The following CPNE4 variants were observed in gnomAD, a reference collection of about 807,000 sequenced individuals.
CPNE4 encodes the protein copine-4.
A neutral mutation model predicts 67.9 loss-of-function variants in CPNE4; 25 were observed. The ratio of observed to expected loss-of-function variants is 0.37; its 90% CI spans 0.27 to 0.51. The LOEUF (loss-of-function observed/expected upper bound fraction) is 0.51, where lower values mean the gene tolerates loss of function less well. CPNE4 is among the 20% of genes least tolerant of loss of function. CPNE4 has a pLI of 0.93. For missense variants in CPNE4, 464 were observed against 690.8 expected, an observed-to-expected ratio of 0.67 and a Z score of 3.68; for synonymous variants, 242 against 244.9, an observed-to-expected ratio of 0.99 and a Z score of 0.11.
intron 2 of CPNE4, among the ~76,000 whole-genome samples, chr3:131,738,840 GTCTTTT>G (rs890793083): frequency 9.0e-5 from 13 of 144,278 alleles, no homozygotes; most frequent in South Asian, 4.4e-4. Flanking sequence ...TATTCATCAT[GTCTTTT>G]TCTTTTTCTT....
At chr3:131,595,883 C>T (rs1938813550) in intron 7 of CPNE4, among the ~76,000 whole-genome samples, 1 of 152,080 alleles carries the variant, frequency 6.6e-6, no homozygotes. Context: ...CTAAACCAGT[C>T]ATAGAAGGAC....
intron 2 of CPNE4, among the ~76,000 whole-genome samples, chr3:131,734,131 T>C (rs1022322753): frequency 2.6e-5 from 4 of 152,200 alleles, no homozygotes; most frequent in African/African-American, 9.6e-5. Flanking sequence ...ATTGACCAAA[T>C]TGTGAATTAG....
chr3:131,719,189 G>C (rs1034622217), intron 3 of CPNE4, among the ~76,000 whole-genome samples: 1 of 152,194 alleles, frequency 6.6e-6, no homozygotes, highest in African/African-American at 2.4e-5. Flanking sequence ...TGATCTTGAA[G>C]GAGTTCTCAG....
At chr3:131,931,212 A>AATTACC (rs2071050045) in intron 1 of CPNE4, among the ~76,000 whole-genome samples, 1 of 152,144 alleles carries the variant, frequency 6.6e-6, no homozygotes, top group Non-Finnish European at 1.5e-5. Flanking sequence ...CTTGAAACTC[A>AATTACC]ACTACCACTA....
intron 2 of CPNE4, among the ~76,000 whole-genome samples, chr3:131,803,864 A>G (rs528780208): frequency 1.3e-5 from 2 of 152,354 alleles, no homozygotes; most frequent in South Asian, 4.1e-4. Context: ...GGAAGAGTGG[A>G]AAACCGTAAA....
At chr3:131,978,468 TTATATATTTATATATATTTA>T (rs1466181166) in intron 1 of CPNE4, among the ~76,000 whole-genome samples, 1 of 20,428 alleles carries the variant, frequency 4.9e-5, no homozygotes, top group Non-Finnish European at 7.3e-5. Flanking sequence ...TTATATATAT[TTATATATTTATATATATTTA>T]TATATATTTA....
intron 2 of CPNE4, among the ~76,000 whole-genome samples, chr3:131,853,368 C>T (rs1375760217): frequency 1.3e-5 from 2 of 151,662 alleles, no homozygotes; most frequent in African/African-American, 4.8e-5. Flanking sequence ...CAACTCGATA[C>T]TTGTGTGTGT....
intron 7 of CPNE4, among the ~76,000 whole-genome samples, chr3:131,614,655 C>T (rs1191887026): frequency 6.6e-6 from 1 of 151,570 alleles, no homozygotes; most frequent in Non-Finnish European, 1.5e-5. Flanking sequence ...ATGTAGGAAA[C>T]TGAAGGAGAT....
At chr3:132,020,770 T>C (rs2073978414) in intron 1 of CPNE4, among the ~76,000 whole-genome samples, 2 of 152,208 alleles carry the variant, frequency 1.3e-5, no homozygotes, top group Admixed American at 1.3e-4. Context: ...GTGAAGGCAC[T>C]CACAGCAGGT....
At chr3:131,890,024 T>C (rs1339269900) in intron 2 of CPNE4, among the ~76,000 whole-genome samples, 6 of 152,160 alleles carry the variant, frequency 3.9e-5, no homozygotes. Context: ...CAAAATTGAT[T>C]TGTGCAATGT....
At chr3:131,581,814 T>C (rs1937855686) in intron 8 of CPNE4, 149 bp from the exon 9 acceptor site, 5 of 630,256 alleles carry the variant, frequency 7.9e-6, no homozygotes, top group South Asian at 7.6e-5. Context: ...AGAGGAGCAA[T>C]AGGGGGAGTG....
chr3:132,022,056 A>G (rs183606846), intron 1 of CPNE4, among the ~76,000 whole-genome samples: 66 of 152,338 alleles, frequency 4.3e-4, no homozygotes, highest in Non-Finnish European at 6.9e-4. Flanking sequence ...AATAACTGTC[A>G]ACCATTTCTG....
At chr3:131,890,468 A>G (rs1248846739) in intron 2 of CPNE4, among the ~76,000 whole-genome samples, 1 of 151,670 alleles carries the variant, frequency 6.6e-6, no homozygotes, top group Non-Finnish European at 1.5e-5. Context: ...GATTGTGGAG[A>G]AATTAGAACC....
intron 7 of CPNE4, among the ~76,000 whole-genome samples, chr3:131,662,529 C>G (rs2080151879): frequency 6.6e-6 from 1 of 152,080 alleles, no homozygotes; most frequent in Admixed American, 6.6e-5. Context: ...TTTGGAGAAT[C>G]AGTAGAAAGA....
At position 131,545,776 on chromosome 3, in the gene CPNE4, A is replaced by T. The variant is rs904187601; in HGVS notation, c.1303-2983T>A. On this transcript the variant is annotated intron_variant, in intron 14 of 15. Coordinates refer to ENST00000429747, the MANE Select transcript of CPNE4 (RefSeq NM_130808.3). ...GGTCTTATGTTGTACATTTAAAAAT[A>T]CTTCTGGCTGGGTGCAGTGGCTCAC... Among the ~76,000 whole-genome samples the T allele has an allele frequency of 3.9e-5, 6 of 152,180 alleles. No individual in the cohort carries two copies. In the South Asian group the frequency reaches 1.2e-3, roughly 32 times the overall value.
At chr3:131,709,271 G>A (rs569712655) in intron 3 of CPNE4, among the ~76,000 whole-genome samples, 9 of 152,096 alleles carry the variant, frequency 5.9e-5, no homozygotes, top group African/African-American at 9.6e-5. Flanking sequence ...ATGGAGGGAC[G>A]GAAAATTCTT....
chr3:131,731,548 G>A (rs1172161147), intron 2 of CPNE4, among the ~76,000 whole-genome samples: 1 of 151,996 alleles, frequency 6.6e-6, no homozygotes, highest in Non-Finnish European at 1.5e-5. Flanking sequence ...CTTTTCCCCA[G>A]TGTGAGTGTC....
chr3:132,020,626 G>C (rs938466632), intron 1 of CPNE4, among the ~76,000 whole-genome samples: 1 of 152,134 alleles, frequency 6.6e-6, no homozygotes, highest in Non-Finnish European at 1.5e-5. Flanking sequence ...GGGATGGAAG[G>C]AGGACAATAA....
At chr3:131,588,590 A>T (rs138725121) in intron 7 of CPNE4, among the ~76,000 whole-genome samples, 48 of 152,270 alleles carry the variant, frequency 3.2e-4, no homozygotes, top group African/African-American at 1.2e-3. Flanking sequence ...CTGACTTGGT[A>T]ATCTGTTCCC....
Sources: allele counts gnomAD v4.1 joint callset (sites outside exome capture counted in the v4.1 genomes callset), GRCh38; gene constraint gnomAD v4.1.1; transcripts MANE v1.5; gene names NCBI Gene and HGNC (gene_info 2026-07-23, HGNC 2026-07-21).